Variants in PEX6 observed in about 807,000 individuals in gnomAD.
PEX6 encodes the protein peroxisome biogenesis factor 6.
A neutral mutation model predicts 85.6 loss-of-function variants in PEX6; 55 were observed. The observed-to-expected ratio is 0.64, with a 90% CI of 0.52 to 0.80. The LOEUF (loss-of-function observed/expected upper bound fraction) is 0.80. Ranked by LOEUF, PEX6 falls within the 30% of genes least tolerant of loss-of-function variation. The probability of loss-of-function intolerance (pLI) is 0.00; values close to 1 mark genes in which losing one functional copy is unlikely to be tolerated. For synonymous variants in PEX6, 519 were observed against 549.1 expected (o/e 0.95, Z 0.77); for missense variants, 1,099 against 1,260.3 (o/e 0.87, Z 1.94).
rs750452619 is a variant in PEX6 at position 42,968,342 on chromosome 6, G to A, written c.1636C>T (p.Arg546Cys). The A allele has an allele frequency of 1.4e-5, 22 of 1,614,154 alleles. No individual in the cohort carries two copies. The Admixed American group carries it at 1.7e-4, about 12-fold the overall frequency. ...AGGTGACGCAGCACAGCCATCACACGGGCATCCTCACCCAGCCCATCACGG... is the reference window on the plus strand; with the variant it reads ...AGGTGACGCAGCACAGCCATCACACAGGCATCCTCACCCAGCCCATCACGG... ...RDRDGLGEDA[R>C]VMAVLRHLLL... Residue 546 changes from arginine to cysteine, a missense_variant, in exon 7 of 17, where the codon CGT becomes TGT. Physicochemically the swap from Arg to Cys is radical, Grantham distance 180. This residue lies in a region of PEX6 where 514 missense variants were observed against 627.0 expected (regional missense o/e 0.82). Coordinates refer to ENST00000304611, the MANE Select transcript of PEX6 (RefSeq NM_000287.4).
Position 42,964,303 on chromosome 6 carries a change from T to C in PEX6, c.*32A>G. 1 of 1,612,722 alleles carries C rather than the reference T, an allele frequency of 6.2e-7. No homozygotes were observed. ...TGGGCTATCAAGGTACCTGCAGCCATGCTGAGCGGGGTCCCAGACCCTGGG... is the reference window on the plus strand; with the variant it reads ...TGGGCTATCAAGGTACCTGCAGCCACGCTGAGCGGGGTCCCAGACCCTGGG... On this transcript the variant is annotated 3_prime_UTR_variant, in exon 17 of 17. Coordinates refer to ENST00000304611, the MANE Select transcript of PEX6 (RefSeq NM_000287.4). This position sits in a 1 kb window ranked among gnomAD's most constrained non-coding sequence, Gnocchi z 4.6.
In PEX6 at chr6:42,964,364, G is replaced by A. The variant is rs761395988; in HGVS notation, c.2914C>T (p.Arg972Cys). Reference sequence around the variant, plus strand: ...CAGGCAGCAAACTTGCGCTGGATGCGCTTGTACCGGAGCAGCTCCTGCTCA... The same window carrying A: ...CAGGCAGCAAACTTGCGCTGGATGCACTTGTACCGGAGCAGCTCCTGCTCA... ...VSEQELLRYK[R>C]IQRKFAAC The change falls in exon 17 of 17, where the codon CGC becomes TGC. Residue 972 changes from arginine to cysteine, a missense_variant. Arg to Cys is a radical substitution (Grantham distance 180). Transcript: ENST00000304611. The surrounding 1 kb of genome is among the most constrained non-coding windows in gnomAD (Gnocchi z 4.6). 6.2e-6 allele frequency: 10 copies of A among 1,613,710 alleles called. No homozygotes were observed. The highest frequency in any genetic ancestry group is 1.3e-5 in the African/African-American group (1 of 74,940).
chr6:42,965,614 G>A lies in PEX6; in HGVS notation c.2471+67C>T, dbSNP rs1769756720. 9.0e-7 allele frequency: 1 copy of A among 1,112,158 alleles called. No homozygotes were observed. The highest frequency in any genetic ancestry group is 1.2e-5 in the South Asian group (1 of 80,630). 68.9% of individuals were successfully genotyped at this position (1,112,158 alleles called of 1,614,324 possible). On this transcript the variant is annotated intron_variant, in intron 13 of 16. Transcript: ENST00000304611. This position sits in a 1 kb window ranked among gnomAD's most constrained non-coding sequence, Gnocchi z 5.0. ...CTTCTATCTCTGGACTCTGAAGACT[G>A]CTGTGAGCTTTCTCATATCCTTCCC... is the stretch of plus-strand genomic sequence containing the variant.
intron 7 of PEX6, 117 bp from the exon 8 acceptor site, chr6:42,967,680 T>C: frequency 1.2e-6 from 1 of 853,780 alleles, no homozygotes; most frequent in South Asian, 1.5e-5. Context: ...TAGGATGGGG[T>C]AGGGAGATGA....
intron 10 of PEX6, 28 bp from the exon 11 acceptor site, chr6:42,966,475 A>T: frequency 1.2e-6 from 2 of 1,614,084 alleles, no homozygotes; most frequent in African/African-American, 1.3e-5. Flanking sequence ...CGTGGTTGGG[A>T]TATGCTCTTG....
chr6:42,965,419 T>C lies in PEX6; in HGVS notation c.2472-51A>G, dbSNP rs761702297. On this transcript the variant is annotated intron_variant, in intron 13 of 16. Coordinates refer to ENST00000304611, the MANE Select transcript of PEX6 (RefSeq NM_000287.4). The surrounding 1 kb of genome is among the most constrained non-coding windows in gnomAD (Gnocchi z 5.0). ...AGTCCTTGGTGTCCCCCTTAGACTC[T>C]GCCCCTGCCTGTGGTACCTCTCTTT... 5 of 1,343,364 alleles carry C rather than the reference T, an allele frequency of 3.7e-6. No homozygotes were observed. In the South Asian group the frequency reaches 5.8e-5, roughly 16 times the overall value. 83.2% of individuals were successfully genotyped at this position (1,343,364 alleles called of 1,614,324 possible).
At chr6:42,977,637 G>A (rs1387060190) in intron 1 of PEX6, among the ~76,000 whole-genome samples, 2 of 151,186 alleles carry the variant, frequency 1.3e-5, no homozygotes, top group African/African-American at 4.8e-5. Context: ...AAAATTAGCC[G>A]GGCGTCGTGG....
chr6:42,964,752 G>A lies in PEX6; in HGVS notation c.2806+38C>T. On this transcript the variant is annotated intron_variant, in intron 16 of 16. Transcript: ENST00000304611. This position sits in a 1 kb window ranked among gnomAD's most constrained non-coding sequence, Gnocchi z 4.6. ...CTCAGGTGCACCCAGCTCCCCACTAGCTTTTTGGTTGACCTCTCAGACCGG... is the reference window on the plus strand; with the variant it reads ...CTCAGGTGCACCCAGCTCCCCACTAACTTTTTGGTTGACCTCTCAGACCGG... 5.0e-6 allele frequency: 8 copies of A among 1,613,532 alleles called. No individual in the cohort carries two copies. The highest frequency in any genetic ancestry group is 6.8e-6 in the Non-Finnish European group (8 of 1,179,786).
chr6:42,977,842 C>CTTTGT (rs1491154241), intron 1 of PEX6, among the ~76,000 whole-genome samples: 1 of 115,654 alleles, frequency 8.6e-6, no homozygotes, highest in African/African-American at 3.4e-5. Flanking sequence ...AAACATTATG[C>CTTTGT]TTTTTTTTTT....
intron 6 of PEX6, 89 bp from the exon 7 acceptor site, chr6:42,968,587 G>A (rs1461144900): frequency 4.1e-6 from 5 of 1,216,172 alleles, no homozygotes; most frequent in Non-Finnish European, 3.5e-6. Context: ...GAAGATGTGG[G>A]CCATCTTTTT....
chr6:42,974,828 G>A (rs1383368214), intron 2 of PEX6, 47 bp downstream of exon 2: 2 of 1,549,608 alleles, frequency 1.3e-6, no homozygotes, highest in Admixed American at 3.3e-5. Flanking sequence ...TAGGAGGAAT[G>A]TAATGAGGGT....
Position 42,968,313 on chromosome 6 carries a change from G to A in PEX6, c.1665C>T (p.Leu555=), listed in dbSNP as rs777182627. ...ARVMAVLRHL[L]LNEDPLNSCP... is the part of the protein sequence containing the mutation. ...ACCTGTTGAGGGGGTCCTCATTGAG[G>A]AGGAGGTGACGCAGCACAGCCATCA... is the stretch of plus-strand genomic sequence containing the variant. Residue 555 remains leucine, a synonymous_variant, in exon 7 of 17, where the codon CTC becomes CTT. Transcript: ENST00000304611. 6.2e-7 allele frequency: 1 copy of A among 1,614,146 alleles called. No individual in the cohort carries two copies. Among genetic ancestry groups the A allele is most frequent in the Non-Finnish European group, 8.5e-7 (1 of 1,180,022 alleles).
Position 42,969,790 on chromosome 6 carries a change from G to C in PEX6, c.1245C>G (p.Thr415=), listed in dbSNP as rs1262397074. 6.2e-7 allele frequency: 1 copy of C among 1,613,742 alleles called. No homozygotes were observed. Among genetic ancestry groups the C allele is most frequent in the South Asian group, 1.1e-5 (1 of 91,062 alleles). Residue 415 remains threonine (T), a synonymous_variant, in exon 5 of 17, where the codon ACC becomes ACG. Transcript: ENST00000304611. ...THTSLYMVGS[T]LSPVPWLPSE... is the part of the protein sequence containing the mutation. ...AAGGGAGCCATGGAACAGGGCTCAG[G>C]GTAGAACCCACCTGTGAAAGGTAAT... is the stretch of plus-strand genomic sequence containing the variant.
chr6:42,964,854 G>C lies in PEX6; in HGVS notation c.2742C>G (p.Leu914=). Residue 914 remains leucine (L), a synonymous_variant, in exon 16 of 17, where the codon CTC becomes CTG. Transcript: ENST00000304611. This position sits in a 1 kb window ranked among gnomAD's most constrained non-coding sequence, Gnocchi z 4.6. ...CCPPQLTGAD[L]YSLCSDAMTA... is the part of the protein sequence containing the mutation. ...TCATAGCATCAGAGCAGAGAGAGTA[G>C]AGGTCCGCGCCCGTCAGCTGGGGAG... is the stretch of plus-strand genomic sequence containing the variant. The C allele has an allele frequency of 6.2e-7, 1 of 1,614,142 alleles. No individual in the cohort carries two copies. The highest frequency in any genetic ancestry group is 8.5e-7 in the Non-Finnish European group (1 of 1,180,028).
At chr6:42,978,245 C>T in intron 1 of PEX6, 24 bp downstream of exon 1, 1 of 1,613,676 alleles carries the variant, frequency 6.2e-7, no homozygotes, top group Non-Finnish European at 8.5e-7. Context: ...AGGAAGCACT[C>T]CTGACCCCAG....
At position 42,968,459 on chromosome 6, in the gene PEX6, C is replaced by T. The variant is rs1355702643; in HGVS notation, c.1519G>A (p.Val507Met). 2 of 1,599,408 alleles carry T rather than the reference C, an allele frequency of 1.3e-6. No homozygotes were observed. Among genetic ancestry groups the T allele is most frequent in the Middle Eastern group, 3.3e-4 (2 of 6,044 alleles). ...SSLCAESSGA[V>M]ETKLQAIFSR... ...AAGATGGCCTGCAGTTTTGTCTCCA[C>T]AGCCCCACTACTTTCTGCACAGAGG... The change falls in exon 7 of 17, where the codon GTG becomes ATG. Residue 507 changes from valine (V) to methionine (M), a missense_variant. By Grantham distance (21) the Val-to-Met change is conservative. This residue lies in a region of PEX6 where 514 missense variants were observed against 627.0 expected (regional missense o/e 0.82). Coordinates refer to ENST00000304611, the MANE Select transcript of PEX6 (RefSeq NM_000287.4).
rs2114244681 is a variant in PEX6 at position 42,968,348 on chromosome 6, C to T, written c.1630G>A (p.Asp544Asn). 1 of 1,614,178 alleles carries T rather than the reference C, an allele frequency of 6.2e-7. No homozygotes were observed. Among genetic ancestry groups the T allele is most frequent in the Non-Finnish European group, 8.5e-7 (1 of 1,180,042 alleles). The change falls in exon 7 of 17, where the codon GAT becomes AAT. Residue 544 changes from aspartate (D) to asparagine (N), a missense_variant. Physicochemically the swap from Asp to Asn is conservative, Grantham distance 23. Around this residue, in one of 3 missense-constraint regions of PEX6, gnomAD observed 514 missense variants for 627.0 expected, o/e 0.82. Transcript: ENST00000304611. ...CGCAGCACAGCCATCACACGGGCAT[C>T]CTCACCCAGCCCATCACGGTCCCGG... ...LGRDRDGLGE[D>N]ARVMAVLRHL... is the part of the protein sequence containing the mutation.
In PEX6 at chr6:42,966,795, TC is replaced by T. The variant is rs267608227; in HGVS notation, c.1947del (p.Ile650SerfsTer10). The T allele has an allele frequency of 3.2e-5, 52 of 1,613,790 alleles. No homozygotes were observed. Among genetic ancestry groups the T allele is most frequent in the Non-Finnish European group, 4.2e-5 (50 of 1,180,002 alleles). On this transcript the variant is annotated frameshift_variant, in exon 9 of 17. Coordinates refer to ENST00000304611, the MANE Select transcript of PEX6 (RefSeq NM_000287.4). LOFTEE classifies it high-confidence loss of function. ...ACGTCCTCTTACCCTGAGTTCTTGA[TC>T]CTGGTGCAGGCTGCCCGGCTGCTGT... ...LTHSSRAACT[R>X]IKNSGLAGGL...
rs2114242721 is a variant in PEX6 at position 42,967,512 on chromosome 6, A to C, written c.1740T>G (p.Pro580=). The C allele has an allele frequency of 6.2e-7, 1 of 1,609,260 alleles. No homozygotes were observed. Among genetic ancestry groups the C allele is most frequent in the Middle Eastern group, 1.7e-4 (1 of 5,792 alleles). The part of the protein sequence containing the change: ...VATTSRAQDL[P]ADVQTAFPHE... ...GAGGAAATGCTGTCTGCACATCAGC[A>C]GGCAGGTCCTGGGCCCGGCTTGTGG... Residue 580 remains proline, a synonymous_variant, in exon 8 of 17, where the codon CCT becomes CCG. Coordinates refer to ENST00000304611, the MANE Select transcript of PEX6 (RefSeq NM_000287.4).
Sources: allele counts gnomAD v4.1 joint callset (sites outside exome capture counted in the v4.1 genomes callset), GRCh38; gene constraint gnomAD v4.1.1; regional missense constraint gnomAD v4.1.1; non-coding constraint Gnocchi (gnomAD v3.1); transcripts MANE v1.5; gene names NCBI Gene and HGNC (gene_info 2026-07-23, HGNC 2026-07-21).